BMP1: variants seen among roughly 807,000 people sequenced by gnomAD.
BMP1 encodes bone morphogenetic protein 1, also known as mammalian tolloid protein.
BMP1 carries 63 observed loss-of-function variants against 116.8 expected under a neutral mutation model. The ratio of observed to expected loss-of-function variants is 0.54; its 90% CI spans 0.44 to 0.67. The LOEUF (loss-of-function observed/expected upper bound fraction) is 0.67, where lower values mean the gene tolerates loss of function less well. BMP1 is among the 30% of genes least tolerant of loss of function. The pLI, the probability that BMP1 is intolerant of heterozygous loss-of-function variation, is 0.00. For missense variants in BMP1, 1,183 were observed against 1,358.9 expected (o/e 0.87, Z 2.04); for synonymous variants, 536 against 533.4 (o/e 1.00, Z -0.07).
chr8:22,195,144 GT>G (rs1406147264), intron 12 of BMP1, among the ~76,000 whole-genome samples: 1 of 152,028 alleles, frequency 6.6e-6, no homozygotes, highest in Non-Finnish European at 1.5e-5. Context: ...GCAGTTGGAG[GT>G]TTTTTTTACC....
intron 18 of BMP1, among the ~76,000 whole-genome samples, chr8:22,209,191 G>A (rs573362863): frequency 2.6e-5 from 4 of 152,128 alleles, no homozygotes; most frequent in Admixed American, 6.5e-5. Flanking sequence ...GTGGTGCCTC[G>A]TGCCACCGCT....
intron 18 of BMP1, among the ~76,000 whole-genome samples, chr8:22,208,768 A>G (rs1829410081): frequency 1.3e-5 from 2 of 152,310 alleles, no homozygotes; most frequent in Admixed American, 1.3e-4. Flanking sequence ...CTGTCAGGGC[A>G]TCCCCAGAGC....
Position 22,209,771 on chromosome 8 carries a change from C to A in BMP1, c.2826+76C>A. The stretch of plus-strand genomic sequence containing the variant: ...TGTCCTCCACCCTTCTCAGCCCAGT[C>A]TCCAAGACCTAGCGCCCACACAGGC... On this transcript the variant is annotated intron_variant, in intron 19 of 19. Transcript: ENST00000306385. The A allele has an allele frequency of 2.0e-6, 3 of 1,514,132 alleles. 1 individual carries two copies. The highest frequency in any genetic ancestry group is 1.2e-5 in the South Asian group (1 of 83,738). 93.8% of individuals were successfully genotyped at this position (1,514,132 alleles called of 1,614,324 possible). A position where few individuals can be genotyped will look rare whatever the true frequency, so the allele number is the denominator to read the frequency against.
At chr8:22,167,152 T>A (rs1828138617) in intron 1 of BMP1, among the ~76,000 whole-genome samples, 1 of 152,186 alleles carries the variant, frequency 6.6e-6, no homozygotes, top group African/African-American at 2.4e-5. Flanking sequence ...CACTTCATTT[T>A]TTTGAGAGGT....
At chr8:22,174,250 C>T (rs188022101) in intron 2 of BMP1, among the ~76,000 whole-genome samples, 172 of 152,300 alleles carry the variant, frequency 1.1e-3, no homozygotes, top group Middle Eastern at 6.8e-3. Context: ...CAGTTGCCCC[C>T]GAAACATGAC....
chr8:22,212,194 A>G lies in BMP1; in HGVS notation c.*466A>G, dbSNP rs1829474819. On this transcript the variant is annotated 3_prime_UTR_variant, in exon 20 of 20. Transcript: ENST00000306385. Reference sequence around the variant, plus strand: ...TTTCCTGGGGCACAAGTGTCTGTGCATGTCCCCCAGGAGCCACCGTGGGGA... The same window carrying G: ...TTTCCTGGGGCACAAGTGTCTGTGCGTGTCCCCCAGGAGCCACCGTGGGGA... 5.7e-6 allele frequency: 1 copy of G among 175,978 alleles called. No individual in the cohort carries two copies. The highest frequency in any genetic ancestry group is 1.2e-5 in the Non-Finnish European group (1 of 80,760). The allele number at this position is 175,978 out of a possible 1,614,324, so 10.9% of individuals were successfully genotyped here. A position where few individuals can be genotyped will look rare whatever the true frequency, so the allele number is the denominator to read the frequency against.
chr8:22,165,610 G>C, intron 1 of BMP1, 57 bp downstream of exon 1: 1 of 1,511,946 alleles, frequency 6.6e-7, no homozygotes, highest in Non-Finnish European at 8.8e-7. Context: ...GGGCGGGTTC[G>C]GGCTTGGGGT....
intron 8 of BMP1, among the ~76,000 whole-genome samples, chr8:22,181,031 G>A (rs1828605631): frequency 6.6e-6 from 1 of 152,202 alleles, no homozygotes; most frequent in Non-Finnish European, 1.5e-5. Flanking sequence ...GAACAATTAA[G>A]GAATGATGCA....
rs756948817 is a variant in BMP1 at position 22,197,278 on chromosome 8, C to T, written c.1965C>T (p.Leu655=). The T allele has an allele frequency of 6.8e-6, 11 of 1,613,680 alleles. No individual in the cohort carries two copies. Residue 655 remains leucine (L), a synonymous_variant, in exon 15 of 20, where the codon CTC becomes CTT. Coordinates refer to ENST00000306385, the MANE Select transcript of BMP1 (RefSeq NM_006129.5). The part of the protein sequence containing the change: ...KYDFVEVRSG[L]TADSKLHGKF... ...ACTTCGTGGAGGTGCGCAGTGGACT[C>T]ACAGCTGACTCCAAGCTGCATGGCA...
intron 8 of BMP1, among the ~76,000 whole-genome samples, chr8:22,188,108 CTG>C (rs915141939): frequency 5.3e-5 from 8 of 151,406 alleles, no homozygotes; most frequent in African/African-American, 1.9e-4. Context: ...CCAGAAGACT[CTG>C]TACCCCATAT....
intron 15 of BMP1, chr8:22,199,177 A>C (rs1200567560): frequency 1.0e-5 from 14 of 1,367,480 alleles, no homozygotes; most frequent in Non-Finnish European, 1.4e-5. Flanking sequence ...ACATTGCCCC[A>C]TCGCACAAGA....
At chr8:22,165,659 C>G in intron 1 of BMP1, 106 bp downstream of exon 1, 1 of 1,241,100 alleles carries the variant, frequency 8.1e-7, no homozygotes. Flanking sequence ...CGGGAGCTGC[C>G]TGGTTGGCAA....
intron 8 of BMP1, among the ~76,000 whole-genome samples, chr8:22,188,466 G>C (rs1009459449): frequency 3.9e-5 from 6 of 152,084 alleles, no homozygotes; most frequent in Admixed American, 3.3e-4. Flanking sequence ...CACCGCACCC[G>C]GCCCCATCTC....
At chr8:22,193,769 G>A (rs1429431296) in intron 9 of BMP1, among the ~76,000 whole-genome samples, 1 of 152,222 alleles carries the variant, frequency 6.6e-6, no homozygotes, top group Admixed American at 6.5e-5. Context: ...GGGTGACAGA[G>A]CGAGACTCCA....
intron 1 of BMP1, chr8:22,170,095 C>G: frequency 6.5e-6 from 1 of 153,094 alleles, no homozygotes; most frequent in African/African-American, 2.4e-5. Context: ...TCCCCACCCC[C>G]ACTTGGTTCC....
chr8:22,199,049 C>T, intron 15 of BMP1: 3 of 1,355,498 alleles, frequency 2.2e-6, no homozygotes, highest in Non-Finnish European at 3.0e-6. Context: ...GACCGACACT[C>T]ACATCTATCA....
chr8:22,207,870 TTA>T (rs375465720), intron 18 of BMP1, among the ~76,000 whole-genome samples: 23 of 148,484 alleles, frequency 1.5e-4, no homozygotes, highest in African/African-American at 5.5e-4. Context: ...ATTTATTTTT[TTA>T]TTTTTATTTT....
chr8:22,180,383 T>A lies in BMP1; in HGVS notation c.977T>A (p.Leu326Gln). The change falls in exon 8 of 20, where the codon CTG becomes CAG. Residue 326 changes from leucine (L) to glutamine (Q), a missense_variant. By Grantham distance (113) the Leu-to-Gln change is moderately radical (BLOSUM62 -2). Around this residue, in one of 4 missense-constraint regions of BMP1, gnomAD observed 956 missense variants for 1,135.2 expected, o/e 0.84. Transcript: ENST00000306385. ...LYKCPACGET[L>Q]QDSTGNFSSP... ...TTCCTCACAGCCTGTGGAGAGACCC[T>A]GCAAGACAGCACAGGCAACTTCTCC... 6.2e-7 allele frequency: 1 copy of A among 1,613,830 alleles called. No homozygotes were observed. Among genetic ancestry groups the A allele is most frequent in the Non-Finnish European group, 8.5e-7 (1 of 1,179,782 alleles).
intron 15 of BMP1, chr8:22,198,895 C>A: frequency 8.7e-7 from 1 of 1,144,104 alleles, no homozygotes; most frequent in Non-Finnish European, 1.1e-6. Flanking sequence ...TCCCTGTGCC[C>A]ACCTGGGACT....
Sources: allele counts gnomAD v4.1 joint callset (sites outside exome capture counted in the v4.1 genomes callset), GRCh38; gene constraint gnomAD v4.1.1; regional missense constraint gnomAD v4.1.1; transcripts MANE v1.5; gene names NCBI Gene and HGNC (gene_info 2026-07-23, HGNC 2026-07-21).